Variants in OXR1 observed in about 807,000 individuals in gnomAD.
The protein encoded by OXR1 is oxidation resistance 1, also known as oxidation resistance protein 1.
A neutral mutation model predicts 104.6 loss-of-function variants in OXR1; 41 were observed. The ratio of observed to expected loss-of-function variants is 0.39; its 90% CI spans 0.31 to 0.51. OXR1 has a LOEUF of 0.51. Among genes scored for constraint, OXR1 ranks in the 20% least tolerant of loss-of-function variants. The pLI, the probability that OXR1 is intolerant of heterozygous loss-of-function variation, is 0.77. For synonymous variants in OXR1, 348 were observed against 348.4 expected (o/e 1.00, Z 0.01); for missense variants, 955 against 1,031.9 (o/e 0.93, Z 1.02).
intron 6 of OXR1, among the ~76,000 whole-genome samples, chr8:106,687,443 G>A (rs950061671): frequency 2.2e-4 from 34 of 152,050 alleles, no homozygotes; most frequent in Admixed American, 1.8e-3. Context: ...AGTTTCTACC[G>A]GGCATAGTGG....
At chr8:106,553,969 A>G (rs909532117) in intron 3 of OXR1, among the ~76,000 whole-genome samples, 9 of 152,176 alleles carry the variant, frequency 5.9e-5, no homozygotes, top group African/African-American at 1.9e-4. Context: ...TTAAACCTAA[A>G]TGCCAGTCAT....
chr8:106,523,165 A>G (rs964270784), intron 3 of OXR1, among the ~76,000 whole-genome samples: 1 of 152,214 alleles, frequency 6.6e-6, no homozygotes, highest in African/African-American at 2.4e-5. Context: ...ACCTTCAAGT[A>G]AAGAACTTCA....
At chr8:106,375,811 A>G (rs1244913307) in intron 2 of OXR1, among the ~76,000 whole-genome samples, 2 of 152,220 alleles carry the variant, frequency 1.3e-5, no homozygotes, top group Non-Finnish European at 2.9e-5. Flanking sequence ...AGGTGACATC[A>G]TTTGGTTCCT....
At chr8:106,595,105 G>A (rs1284855790) in intron 3 of OXR1, among the ~76,000 whole-genome samples, 2 of 152,208 alleles carry the variant, frequency 1.3e-5, no homozygotes, top group East Asian at 3.8e-4. Context: ...TCTTTGTGTG[G>A]ACGACCAGTT....
chr8:106,728,558 C>T (rs987167807), intron 11 of OXR1, among the ~76,000 whole-genome samples: 2 of 152,158 alleles, frequency 1.3e-5, no homozygotes, highest in East Asian at 3.8e-4. Context: ...AAATGCATGG[C>T]ATGAAATTAA....
intron 2 of OXR1, among the ~76,000 whole-genome samples, chr8:106,379,542 T>C (rs1361508086): frequency 4.9e-5 from 7 of 142,902 alleles, no homozygotes; most frequent in African/African-American, 1.0e-4. Context: ...TCTTTCTTTT[T>C]TTTTTTTTTT....
At chr8:106,345,753 C>T (rs748225025) in intron 1 of OXR1, among the ~76,000 whole-genome samples, 1 of 152,098 alleles carries the variant, frequency 6.6e-6, no homozygotes, top group Non-Finnish European at 1.5e-5. Flanking sequence ...TTGTATTTTC[C>T]ACATGTAAGA....
chr8:106,748,052 G>T (rs1178078583), intron 16 of OXR1, among the ~76,000 whole-genome samples: 1 of 152,098 alleles, frequency 6.6e-6, no homozygotes, highest in East Asian at 1.9e-4. Context: ...CGCTTTTAAG[G>T]CTCATGGATT....
At chr8:106,314,205 T>C (rs773512779) in intron 1 of OXR1, among the ~76,000 whole-genome samples, 1 of 152,268 alleles carries the variant, frequency 6.6e-6, no homozygotes, top group African/African-American at 2.4e-5. Context: ...TGTTATGATG[T>C]TAGTGTCTAT....
At chr8:106,702,603 G>A (rs1180000367) in intron 7 of OXR1, among the ~76,000 whole-genome samples, 7 of 152,088 alleles carry the variant, frequency 4.6e-5, no homozygotes, top group African/African-American at 9.7e-5. Context: ...AAAAGGTGGC[G>A]CTTCTTACCT....
At chr8:106,469,313 T>G (rs546707535) in intron 2 of OXR1, among the ~76,000 whole-genome samples, 8 of 151,940 alleles carry the variant, frequency 5.3e-5, no homozygotes, top group African/African-American at 1.9e-4. Context: ...TGAGAATGGT[T>G]ACATATCTTC....
At chr8:106,409,883 T>G (rs1163147412) in intron 2 of OXR1, among the ~76,000 whole-genome samples, 1 of 152,166 alleles carries the variant, frequency 6.6e-6, no homozygotes, top group Non-Finnish European at 1.5e-5. Context: ...TTGCAAATGT[T>G]TTACCTTGGA....
At position 106,751,673 on chromosome 8, in the gene OXR1, G is replaced by C. The variant is rs368082661; in HGVS notation, c.*732G>C. Reference sequence around the variant, plus strand: ...AGAATGAGAACTTAATGATTCTATTGGATTTAATATATTAGCAAGAAAACA... The same window carrying C: ...AGAATGAGAACTTAATGATTCTATTCGATTTAATATATTAGCAAGAAAACA... On this transcript the variant is annotated 3_prime_UTR_variant, in exon 17 of 17. Coordinates refer to ENST00000517566, the MANE Select transcript of OXR1 (RefSeq NM_001198533.2). 1 of 152,454 alleles carries C rather than the reference G, an allele frequency of 6.6e-6. No individual in the cohort carries two copies. The highest frequency in any genetic ancestry group is 2.4e-5 in the African/African-American group (1 of 41,394). The allele number at this position is 152,454 out of a possible 1,614,324, so 9.4% of individuals were successfully genotyped here.
intron 2 of OXR1, among the ~76,000 whole-genome samples, chr8:106,451,380 A>G (rs1325914487): frequency 6.6e-6 from 1 of 152,234 alleles, no homozygotes; most frequent in African/African-American, 2.4e-5. Flanking sequence ...TTAAAAACAA[A>G]AAAGTTATCT....
chr8:106,448,026 A>T (rs1820096157), intron 2 of OXR1: 1 of 1,535,718 alleles, frequency 6.5e-7, no homozygotes, highest in African/African-American at 1.4e-5. Context: ...CACAGAAATG[A>T]CGAAGGACAA....
chr8:106,728,680 A>T (rs1371413970), intron 11 of OXR1, among the ~76,000 whole-genome samples: 1 of 152,154 alleles, frequency 6.6e-6, no homozygotes, highest in Non-Finnish European at 1.5e-5. Flanking sequence ...CTTAAACTTT[A>T]ATCATTCATT....
intron 1 of OXR1, among the ~76,000 whole-genome samples, chr8:106,279,740 CAAAA>C (rs1396337563): frequency 1.3e-5 from 2 of 152,006 alleles, no homozygotes; most frequent in African/African-American, 4.8e-5. Flanking sequence ...AATCTTAAAA[CAAAA>C]CAGAACAAAA....
At chr8:106,286,175 C>G (rs892256662) in intron 1 of OXR1, among the ~76,000 whole-genome samples, 3 of 152,096 alleles carry the variant, frequency 2.0e-5, no homozygotes, top group African/African-American at 7.2e-5. Context: ...GGATTCTTGC[C>G]TAGTGCAGCT....
At chr8:106,688,324 A>G (rs1291144219) in intron 6 of OXR1, among the ~76,000 whole-genome samples, 1 of 152,134 alleles carries the variant, frequency 6.6e-6, no homozygotes, top group African/African-American at 2.4e-5. Context: ...TTTAAGATAA[A>G]ACATGGTATA....
Sources: allele counts gnomAD v4.1 joint callset (sites outside exome capture counted in the v4.1 genomes callset), GRCh38; gene constraint gnomAD v4.1.1; transcripts MANE v1.5; gene names NCBI Gene and HGNC (gene_info 2026-07-23, HGNC 2026-07-21).